Variants in MAP2K6 observed in about 807,000 individuals in gnomAD.
The protein encoded by MAP2K6 is mitogen-activated protein kinase kinase 6.
A neutral mutation model predicts 53.7 loss-of-function variants in MAP2K6; 16 were observed. The observed-to-expected ratio is 0.30, with a 90% confidence interval of 0.20 to 0.45. MAP2K6 has a LOEUF of 0.45. MAP2K6 is among the 20% of genes least tolerant of loss of function. MAP2K6 has a pLI of 1.00. For synonymous variants in MAP2K6, 132 were observed against 143.1 expected, an observed-to-expected ratio of 0.92 and a Z score of 0.55; for missense variants, 204 against 411.9, an observed-to-expected ratio of 0.50 and a Z score of 4.37.
At chr17:69,417,321 A>C (rs1036395817) in intron 1 of MAP2K6, among the ~76,000 whole-genome samples, 2 of 152,182 alleles carry the variant, frequency 1.3e-5, no homozygotes, top group African/African-American at 2.4e-5. Flanking sequence ...ATACAATCTC[A>C]TAGTATTGAA....
At chr17:69,463,614 C>CTA (rs897054258) in intron 1 of MAP2K6, among the ~76,000 whole-genome samples, 54 of 149,048 alleles carry the variant, frequency 3.6e-4, no homozygotes, top group Middle Eastern at 6.9e-3. Flanking sequence ...CTCTCTCTCT[C>CTA]TCTATATATA....
intron 1 of MAP2K6, among the ~76,000 whole-genome samples, chr17:69,437,689 A>G (rs930997189): frequency 1.8e-4 from 27 of 152,214 alleles, no homozygotes; most frequent in African/African-American, 6.3e-4. Context: ...CCAAAACACT[A>G]TCATCATCAC....
intron 1 of MAP2K6, among the ~76,000 whole-genome samples, chr17:69,503,988 C>T (rs1161425964): frequency 6.6e-6 from 1 of 152,196 alleles, no homozygotes; most frequent in East Asian, 1.9e-4. Context: ...CACCTGCCCC[C>T]TCTCCAGTCA....
chr17:69,528,845 G>C lies in MAP2K6; in HGVS notation c.881+2136G>C, dbSNP rs144957253. 5.6e-5 allele frequency among the ~76,000 whole-genome samples: 6 copies of C among 106,698 alleles called. No homozygotes were observed. In the East Asian group the frequency reaches 1.8e-3, roughly 32 times the overall value. The allele number at this position is 106,698 out of a possible 152,430, so 70.0% of individuals were successfully genotyped here. On this transcript the variant is annotated intron_variant, in intron 10 of 11. Coordinates refer to ENST00000590474, the MANE Select transcript of MAP2K6 (RefSeq NM_002758.4). ...CTGCACTCCAGCCTGGGTGATAAGA[G>C]AGAGACGCCATCTCAAAAAAAAAAA...
At chr17:69,435,547 A>G (rs903439321) in intron 1 of MAP2K6, 3 of 151,678 alleles carry the variant, frequency 2.0e-5, no homozygotes, top group East Asian at 2.0e-4. Flanking sequence ...AAAAAAAAAA[A>G]AAAGAAAAGA....
intron 7 of MAP2K6, among the ~76,000 whole-genome samples, chr17:69,522,057 A>G (rs1241297542): frequency 6.6e-6 from 1 of 152,032 alleles, no homozygotes; most frequent in Non-Finnish European, 1.5e-5. Context: ...AGGTGATTGT[A>G]GTGATTGTGG....
At chr17:69,423,101 TC>T (rs1195320584) in intron 1 of MAP2K6, among the ~76,000 whole-genome samples, 3 of 152,150 alleles carry the variant, frequency 2.0e-5, no homozygotes, top group African/African-American at 7.2e-5. Flanking sequence ...GCCAGGATGA[TC>T]TCGATCTCTT....
chr17:69,500,217 A>G (rs1314957913), intron 1 of MAP2K6, among the ~76,000 whole-genome samples: 1 of 152,010 alleles, frequency 6.6e-6, no homozygotes, highest in East Asian at 1.9e-4. Flanking sequence ...AGGCGGGCGG[A>G]TAACCTGAGG....
At chr17:69,473,780 G>T (rs1159667329) in intron 1 of MAP2K6, among the ~76,000 whole-genome samples, 2 of 152,170 alleles carry the variant, frequency 1.3e-5, no homozygotes, top group Non-Finnish European at 2.9e-5. Flanking sequence ...ATGTAAAAAT[G>T]TGTTCAGGGT....
chr17:69,421,923 C>A (rs1008564037), intron 1 of MAP2K6, among the ~76,000 whole-genome samples: 1 of 151,872 alleles, frequency 6.6e-6, no homozygotes, highest in Non-Finnish European at 1.5e-5. Flanking sequence ...TGAAATGATT[C>A]TTCACTTCCT....
At chr17:69,491,771 AGAC>A (rs1908763127) in intron 1 of MAP2K6, among the ~76,000 whole-genome samples, 2 of 133,418 alleles carry the variant, frequency 1.5e-5, no homozygotes, top group Admixed American at 7.5e-5. Context: ...TTTGAATAAT[AGAC>A]TTTCAGACTG....
At chr17:69,517,964 G>T (rs1056844467) in intron 4 of MAP2K6, among the ~76,000 whole-genome samples, 3 of 152,176 alleles carry the variant, frequency 2.0e-5, no homozygotes, top group Non-Finnish European at 4.4e-5. Context: ...GCCAAGGCGG[G>T]TGGATCACGA....
intron 2 of MAP2K6, among the ~76,000 whole-genome samples, chr17:69,515,035 CA>C (rs1181160751): frequency 6.6e-6 from 1 of 152,112 alleles, no homozygotes; most frequent in Non-Finnish European, 1.5e-5. Flanking sequence ...TCCAGAGAGA[CA>C]TGAGTCTTTA....
intron 2 of MAP2K6, 38 bp downstream of exon 2, chr17:69,505,884 G>GGA: frequency 1.3e-6 from 2 of 1,574,440 alleles, no homozygotes; most frequent in Non-Finnish European, 1.7e-6. Context: ...CCAAATCCTT[G>GGA]TGCTTTCAGA....
intron 1 of MAP2K6, among the ~76,000 whole-genome samples, chr17:69,469,681 T>C (rs1314915488): frequency 1.3e-5 from 2 of 152,098 alleles, no homozygotes; most frequent in African/African-American, 4.8e-5. Context: ...GAGAATTGCT[T>C]GAACCTGGGA....
At chr17:69,419,462 C>T (rs1395600939) in intron 1 of MAP2K6, among the ~76,000 whole-genome samples, 5 of 152,206 alleles carry the variant, frequency 3.3e-5, no homozygotes, top group African/African-American at 1.2e-4. Flanking sequence ...AAGATGGTAC[C>T]TTTCTTCATC....
At chr17:69,448,251 T>C (rs559591825) in intron 1 of MAP2K6, among the ~76,000 whole-genome samples, 1 of 151,474 alleles carries the variant, frequency 6.6e-6, no homozygotes, top group African/African-American at 2.4e-5. Context: ...TTTGTTTTTT[T>C]TTTTTTTCAA....
intron 1 of MAP2K6, among the ~76,000 whole-genome samples, chr17:69,441,306 G>T (rs1012223832): frequency 2.0e-5 from 3 of 152,072 alleles, no homozygotes; most frequent in Admixed American, 2.0e-4. Context: ...TGTCCCTGAA[G>T]ATTTTTTTTC....
At chr17:69,540,276 G>C (rs1433440988) in intron 11 of MAP2K6, among the ~76,000 whole-genome samples, 1 of 152,190 alleles carries the variant, frequency 6.6e-6, no homozygotes, top group Admixed American at 6.5e-5. Context: ...GAAACAGAGT[G>C]AGTCACTTAT....
Sources: allele counts gnomAD v4.1 joint callset (sites outside exome capture counted in the v4.1 genomes callset), GRCh38; gene constraint gnomAD v4.1.1; transcripts MANE v1.5; gene names NCBI Gene and HGNC (gene_info 2026-07-23, HGNC 2026-07-21).